TUT4: variants seen among roughly 807,000 people sequenced by gnomAD.
The protein encoded by TUT4 is terminal uridylyltransferase 4.
In TUT4, 36 loss-of-function variants were observed where a neutral mutation model predicts 192.2. That is an observed-to-expected ratio of 0.19 (90% CI 0.14 to 0.25). The LOEUF (loss-of-function observed/expected upper bound fraction) is 0.25. TUT4 is among the 10% of genes least tolerant of loss of function. The probability of loss-of-function intolerance (pLI) is 1.00; values close to 1 mark genes in which losing one functional copy is unlikely to be tolerated. For missense variants in TUT4, 1,493 were observed against 1,957.2 expected (o/e 0.76, Z 4.47); for synonymous variants, 618 against 666.0 (o/e 0.93, Z 1.11).
intron 2 of TUT4, among the ~76,000 whole-genome samples, chr1:52,518,125 C>T (rs1679207504): frequency 6.6e-6 from 1 of 152,148 alleles, no homozygotes; most frequent in African/African-American, 2.4e-5. Context: ...AACCTGTATC[C>T]ACACAAATAC....
At chr1:52,550,951 C>T (rs1381627418) in intron 1 of TUT4, among the ~76,000 whole-genome samples, 2 of 152,154 alleles carry the variant, frequency 1.3e-5, no homozygotes, top group African/African-American at 4.8e-5. Flanking sequence ...TCAAGATTAA[C>T]TTTGAGATAA....
Position 52,431,407 on chromosome 1 carries a change from G to C in TUT4, c.4317C>G (p.Ser1439=). ...AAGGCTGAGTAATAGCAGCTGACTGGGAAGAGTTCTGTGGAAATGGCTGAG... is the reference window on the plus strand; with the variant it reads ...AAGGCTGAGTAATAGCAGCTGACTGCGAAGAGTTCTGTGGAAATGGCTGAG... ...PQPQPFPQNS[S]QSAAITQPSS... The change falls in exon 28 of 30, where the codon TCC becomes TCG. Residue 1439 remains serine (S), a synonymous_variant. Coordinates refer to ENST00000257177, the MANE Select transcript of TUT4 (RefSeq NM_001009881.3). The C allele has an allele frequency of 6.2e-7, 1 of 1,614,004 alleles. No homozygotes were observed. The highest frequency in any genetic ancestry group is 8.5e-7 in the Non-Finnish European group (1 of 1,179,964).
intron 20 of TUT4, among the ~76,000 whole-genome samples, chr1:52,448,248 T>G (rs1658175758): frequency 6.6e-6 from 1 of 152,220 alleles, no homozygotes; most frequent in African/African-American, 2.4e-5. Flanking sequence ...AGATACAGTT[T>G]ACTAAAAGTC....
chr1:52,451,040 C>T (rs751794281), intron 20 of TUT4, among the ~76,000 whole-genome samples: 20 of 152,010 alleles, frequency 1.3e-4, no homozygotes, highest in Non-Finnish European at 1.9e-4. Flanking sequence ...CCCAGGTGGG[C>T]GGGTCACAAG....
At chr1:52,463,638 T>C (rs1369709228) in intron 16 of TUT4, 2 of 1,302,876 alleles carry the variant, frequency 1.5e-6, no homozygotes, top group Non-Finnish European at 2.0e-6. Flanking sequence ...TAACAATAGC[T>C]AGGCTGGTAA....
chr1:52,445,942 A>T lies in TUT4; in HGVS notation c.3739+15T>A, dbSNP rs1301434552. On this transcript the variant is annotated intron_variant, in intron 23 of 29. Coordinates refer to ENST00000257177, the MANE Select transcript of TUT4 (RefSeq NM_001009881.3). ...AGAGTTTTAAAATCAGAGAATCTCT[A>T]TATTTAAAACTTACTTTTTCTGGAA... The T allele has an allele frequency of 6.2e-7, 1 of 1,605,986 alleles. No individual in the cohort carries two copies. Among genetic ancestry groups the T allele is most frequent in the Non-Finnish European group, 8.5e-7 (1 of 1,177,000 alleles).
intron 16 of TUT4, chr1:52,462,649 T>C: frequency 3.0e-5 from 27 of 892,680 alleles, no homozygotes; most frequent in Non-Finnish European, 3.6e-5. Flanking sequence ...CTCAGCAGAA[T>C]GCCTGGCACA....
At chr1:52,442,853 T>C (rs1656092708) in intron 24 of TUT4, among the ~76,000 whole-genome samples, 2 of 152,150 alleles carry the variant, frequency 1.3e-5, no homozygotes, top group Non-Finnish European at 2.9e-5. Context: ...AGGCCCCAAA[T>C]GACATTCAAG....
At chr1:52,542,757 A>ACTT (rs772350885) in intron 1 of TUT4, among the ~76,000 whole-genome samples, 2 of 147,548 alleles carry the variant, frequency 1.4e-5, no homozygotes, top group Non-Finnish European at 1.5e-5. Context: ...CTTTTTATTT[A>ACTT]TTTATTTATT....
At chr1:52,523,705 T>G (rs1012540019) in intron 2 of TUT4, among the ~76,000 whole-genome samples, 4 of 152,206 alleles carry the variant, frequency 2.6e-5, no homozygotes, top group Non-Finnish European at 4.4e-5. Context: ...GTATTATCAC[T>G]TATTTGATTC....
In TUT4 at chr1:52,481,491, G is replaced by A; in HGVS notation, c.1780C>T (p.Pro594Ser). ...TCTGTCTTCTTGGTATCATCTTTTG[G>A]TTGGTCTGCCTTAGCTTTGTTTTCC... Reference protein sequence around the residue: ...AEENKAKADQPKDDTKKTETD... With the variant: ...AEENKAKADQSKDDTKKTETD... Residue 594 changes from proline (P) to serine (S), a missense_variant, in exon 11 of 30, where the codon CCA (proline) becomes TCA (serine). Pro to Ser is a moderately conservative substitution (Grantham distance 74). This residue lies in a region of TUT4 where 437 missense variants were observed against 577.6 expected (regional missense o/e 0.76). Coordinates refer to ENST00000257177, the MANE Select transcript of TUT4 (RefSeq NM_001009881.3). 1 of 1,613,768 alleles carries A rather than the reference G, an allele frequency of 6.2e-7. No homozygotes were observed.
At chr1:52,507,630 G>A (rs528587390) in intron 4 of TUT4, among the ~76,000 whole-genome samples, 8 of 152,182 alleles carry the variant, frequency 5.3e-5, no homozygotes, top group Admixed American at 1.3e-4. Context: ...TCCCTAATCT[G>A]AAAATCCAAA....
chr1:52,514,547 A>G (rs1044689349), intron 3 of TUT4, among the ~76,000 whole-genome samples: 10 of 152,216 alleles, frequency 6.6e-5, no homozygotes, highest in South Asian at 2.1e-4. Context: ...CTCCTGTATT[A>G]TGGTCCTCTA....
At chr1:52,496,699 A>G (rs1459097469) in intron 5 of TUT4, among the ~76,000 whole-genome samples, 1 of 152,202 alleles carries the variant, frequency 6.6e-6, no homozygotes, top group African/African-American at 2.4e-5. Context: ...TATACTGAAA[A>G]TAATATAACA....
intron 9 of TUT4, among the ~76,000 whole-genome samples, chr1:52,485,387 T>C (rs895827957): frequency 3.3e-5 from 5 of 152,182 alleles, no homozygotes. Flanking sequence ...TTTCTAGGTG[T>C]ACAATCATAT....
chr1:52,465,172 T>C lies in TUT4; in HGVS notation c.2967A>G (p.Glu989=), dbSNP rs1361772218. The C allele has an allele frequency of 6.2e-7, 1 of 1,612,274 alleles. No individual in the cohort carries two copies. Among genetic ancestry groups the C allele is most frequent in the Non-Finnish European group, 8.5e-7 (1 of 1,179,354 alleles). The change falls in exon 16 of 30, where the codon GAA becomes GAG. Residue 989 remains glutamate, a splice_region_variant and synonymous_variant. Coordinates refer to ENST00000257177, the MANE Select transcript of TUT4 (RefSeq NM_001009881.3). ...AGCCAAATAAGCACAACCTTGCCTT[T>C]TCTAAGCAAAGGAAAACAAAGTCCA... ...LEKFIQKEYD[E]KARLCLFGSS...
intron 22 of TUT4, 107 bp from the exon 23 acceptor site, chr1:52,446,111 A>G (rs776293467): frequency 1.1e-5 from 15 of 1,315,102 alleles, no homozygotes; most frequent in Non-Finnish European, 1.6e-5. Context: ...CAGACTATAC[A>G]AATCAGCAAA....
chr1:52,435,383 A>G lies in TUT4; in HGVS notation c.4245T>C (p.Thr1415=), dbSNP rs773233969. 3 of 1,614,040 alleles carry G rather than the reference A, an allele frequency of 1.9e-6. No individual in the cohort carries two copies. In the African/African-American group the frequency reaches 4.0e-5, roughly 22 times the overall value. The change falls in exon 27 of 30, where the codon ACT becomes ACC. Residue 1415 remains threonine (T), a synonymous_variant. Coordinates refer to ENST00000257177, the MANE Select transcript of TUT4 (RefSeq NM_001009881.3). ...TACTTACACATTCTGATGACTGTCT[A>G]GTCCTTATGGACTGATCACCCTGTT... The part of the protein sequence containing the change: ...AQQQGDQSIR[T]RQSSECSESP...
intron 20 of TUT4, among the ~76,000 whole-genome samples, chr1:52,455,630 A>AAAAGG (rs1557703413): frequency 1.0e-5 from 1 of 96,666 alleles, no homozygotes; most frequent in African/African-American, 4.7e-5. Context: ...AAAAAAAAAA[A>AAAAGG]GACGGGGGAG....
Sources: gnomAD v4.1 joint callset for allele counts (sites outside exome capture counted in the v4.1 genomes callset) on GRCh38, gnomAD v4.1.1 for gene constraint, gnomAD v4.1.1 regional missense constraint, MANE v1.5 for transcripts, NCBI Gene and HGNC (gene_info 2026-07-23, HGNC 2026-07-21) for gene names.